Variants in IL1RAPL1 observed in about 807,000 individuals in gnomAD.
IL1RAPL1 encodes interleukin-1 receptor accessory protein-like 1.
IL1RAPL1 carries 3 observed loss-of-function variants against 48.4 expected under a neutral mutation model. The ratio of observed to expected loss-of-function variants is 0.06; its 90% CI spans 0.03 to 0.16. The LOEUF (loss-of-function observed/expected upper bound fraction) is 0.16, where lower values mean the gene tolerates loss of function less well. Ranked by LOEUF, IL1RAPL1 falls within the 10% of genes least tolerant of loss-of-function variation. The pLI is 1.00. For missense variants in IL1RAPL1, 349 were observed against 530.6 expected (o/e 0.66, Z 3.36); for synonymous variants, 185 against 187.7 (o/e 0.99, Z 0.12).
chrX:29,863,557 G>A (rs1931633431), intron 6 of IL1RAPL1, among the ~76,000 whole-genome samples: 1 of 111,292 alleles, frequency 9.0e-6, no homozygotes, highest in African/African-American at 3.3e-5. Context: ...CTATAGAAGG[G>A]TTCTCTCATG....
intron 6 of IL1RAPL1, among the ~76,000 whole-genome samples, chrX:29,860,274 T>C (rs1370193603): frequency 8.9e-6 from 1 of 112,008 alleles, no homozygotes; most frequent in East Asian, 2.8e-4. Context: ...ATAAACCATA[T>C]AAATAACTAT....
chrX:29,918,445 C>T (rs1422823252), intron 7 of IL1RAPL1, among the ~76,000 whole-genome samples: 1 of 94,402 alleles, frequency 1.1e-5, no homozygotes, highest in Non-Finnish European at 2.1e-5. Context: ...GTGGAGGTTG[C>T]AGTGAGCCGA....
chrX:28,685,407 C>T (rs1935099197), intron 1 of IL1RAPL1, among the ~76,000 whole-genome samples: 1 of 112,441 alleles, frequency 8.9e-6, no homozygotes, highest in Admixed American at 9.4e-5. Context: ...ACTCTTTTCT[C>T]TGGGATTTTA....
At chrX:28,651,303 T>C (rs962437747) in intron 1 of IL1RAPL1, among the ~76,000 whole-genome samples, 1 of 112,449 alleles carries the variant, frequency 8.9e-6, no homozygotes, top group African/African-American at 3.2e-5. Context: ...ATTCGGATTT[T>C]AGTGTCCATA....
chrX:28,835,470 G>A (rs1170971758), intron 2 of IL1RAPL1, among the ~76,000 whole-genome samples: 2 of 111,165 alleles, frequency 1.8e-5, no homozygotes, highest in African/African-American at 6.5e-5. Context: ...TATCTCGATT[G>A]CCCAAAATCC....
intron 2 of IL1RAPL1, among the ~76,000 whole-genome samples, chrX:28,965,848 C>T (rs780920701): frequency 3.6e-5 from 4 of 111,619 alleles, no homozygotes; most frequent in South Asian, 3.7e-4. Context: ...TTTCTCGTGA[C>T]GAATGATGTA....
chrX:28,630,518 G>A (rs968788249), intron 1 of IL1RAPL1, among the ~76,000 whole-genome samples: 18 of 111,645 alleles, frequency 1.6e-4, no homozygotes, highest in Admixed American at 1.5e-3. Context: ...TACTCAACCC[G>A]TCTGCCTTCT....
At chrX:28,705,468 T>C in intron 1 of IL1RAPL1, among the ~76,000 whole-genome samples, 1 of 112,473 alleles carries the variant, frequency 8.9e-6, no homozygotes, top group Non-Finnish European at 1.9e-5. Flanking sequence ...AAACAAATTA[T>C]TCATATTTTG....
intron 5 of IL1RAPL1, among the ~76,000 whole-genome samples, chrX:29,449,780 CAG>C (rs59465141): frequency 1.1e-3 from 66 of 58,239 alleles, no homozygotes; most frequent in African/African-American, 2.7e-3. Context: ...CACACACACA[CAG>C]AGAGAGAGAG....
chrX:29,229,943 A>T (rs977054185), intron 2 of IL1RAPL1, among the ~76,000 whole-genome samples: 2 of 112,173 alleles, frequency 1.8e-5, no homozygotes, highest in African/African-American at 6.5e-5. Context: ...GTCACAGCAC[A>T]CTGCTATTTA....
chrX:29,474,331 C>A (rs1005957828), intron 5 of IL1RAPL1, among the ~76,000 whole-genome samples: 1 of 111,890 alleles, frequency 8.9e-6, no homozygotes, highest in Non-Finnish European at 1.9e-5. Context: ...GCCAGAATTC[C>A]GTAGTAGGAA....
chrX:28,683,999 A>C (rs1028129598), intron 1 of IL1RAPL1, among the ~76,000 whole-genome samples: 23 of 112,470 alleles, frequency 2.0e-4, no homozygotes, highest in African/African-American at 7.4e-4. Context: ...ATGTAAGGTT[A>C]CATGTCCACA....
At chrX:29,496,929 T>A (rs1000294254) in intron 5 of IL1RAPL1, among the ~76,000 whole-genome samples, 6 of 112,321 alleles carry the variant, frequency 5.3e-5, no homozygotes, top group African/African-American at 1.6e-4. Flanking sequence ...CAAACAGTAT[T>A]CTATTTAAAA....
At chrX:28,925,567 T>C (rs190651979) in intron 2 of IL1RAPL1, among the ~76,000 whole-genome samples, 25 of 111,973 alleles carry the variant, frequency 2.2e-4, no homozygotes, top group African/African-American at 7.5e-4. Context: ...TTAAGGATTT[T>C]GTATACGCAA....
rs1933680291 is a variant in IL1RAPL1 at position 29,380,314 on chromosome X, G to A, written c.363-15944G>A. ...ACGATCTCAGATCACTGCAACCTCC[G>A]CCTCTCGGGTTCAAGTGATTCTCCT... On this transcript the variant is annotated intron_variant, in intron 3 of 10. Coordinates refer to ENST00000378993, the MANE Select transcript of IL1RAPL1 (RefSeq NM_014271.4). Among the ~76,000 whole-genome samples, 4 of 112,055 alleles carry A rather than the reference G, an allele frequency of 3.6e-5. No homozygotes were observed. In the South Asian group the frequency reaches 1.5e-3, roughly 41 times the overall value.
intron 6 of IL1RAPL1, among the ~76,000 whole-genome samples, chrX:29,711,189 C>A (rs200306537): frequency 2.2e-5 from 2 of 91,435 alleles, no homozygotes; most frequent in African/African-American, 8.0e-5. Context: ...TTTTTCTTTT[C>A]TTTTTTTTTT....
chrX:29,588,221 T>C (rs1365942906), intron 5 of IL1RAPL1, among the ~76,000 whole-genome samples: 1 of 112,460 alleles, frequency 8.9e-6, no homozygotes, highest in Non-Finnish European at 1.9e-5. Flanking sequence ...CAGCACCTAC[T>C]ATGTGTCAGG....
intron 6 of IL1RAPL1, among the ~76,000 whole-genome samples, chrX:29,795,046 G>A (rs907578290): frequency 8.0e-5 from 9 of 111,926 alleles, no homozygotes; most frequent in East Asian, 2.8e-4. Context: ...ATACAGATAC[G>A]TAACTTACAG....
rs777963523 is a variant in IL1RAPL1 at position 29,228,332 on chromosome X, A to AAT, written c.83-54606_83-54605insAT. ...TAAACACTGTAGTTTAGTTTTGCCT[A>AAT]GTGTGTGTGTGTGTGTGTGTGTGTG... On this transcript the variant is annotated intron_variant, in intron 2 of 10. Coordinates refer to ENST00000378993, the MANE Select transcript of IL1RAPL1 (RefSeq NM_014271.4). 4.5e-3 allele frequency among the ~76,000 whole-genome samples: 361 copies of AAT among 79,542 alleles called. 6 individuals are homozygous for AAT. Among genetic ancestry groups the AAT allele is most frequent in the South Asian group, 0.029 (39 of 1,364 alleles). The allele number at this position is 79,542 out of a possible 115,157, so 69.1% of individuals were successfully genotyped here. A position where few individuals can be genotyped will look rare whatever the true frequency, so the allele number is the denominator to read the frequency against.
Sources: gnomAD v4.1 joint callset for allele counts (sites outside exome capture counted in the v4.1 genomes callset) on GRCh38, gnomAD v4.1.1 for gene constraint, MANE v1.5 for transcripts, NCBI Gene and HGNC (gene_info 2026-07-23, HGNC 2026-07-21) for gene names.